Variants in SP100 observed in about 807,000 individuals in gnomAD.
SP100 encodes the protein SP100 nuclear body protein.
Under a neutral mutation model 130.0 loss-of-function variants are expected in SP100, and 84 were observed. The observed-to-expected ratio is 0.65, with a 90% CI of 0.54 to 0.77. The LOEUF (loss-of-function observed/expected upper bound fraction) is 0.77. Among genes scored for constraint, SP100 ranks in the 30% least tolerant of loss-of-function variants. The pLI is 0.00. For missense variants in SP100, 978 were observed against 1,052.2 expected (o/e 0.93, Z 0.97); for synonymous variants, 331 against 351.7 (o/e 0.94, Z 0.66).
intron 19 of SP100, among the ~76,000 whole-genome samples, chr2:230,502,642 C>A (rs2067102017): frequency 6.6e-6 from 1 of 152,150 alleles, no homozygotes; most frequent in Non-Finnish European, 1.5e-5. Flanking sequence ...GCTTGGGAAG[C>A]AGGTAAAATA....
intron 21 of SP100, 106 bp from the exon 22 acceptor site, chr2:230,506,197 G>A: frequency 8.4e-7 from 1 of 1,190,372 alleles, no homozygotes; most frequent in Non-Finnish European, 1.2e-6. Flanking sequence ...AGACTTTACT[G>A]CTACGATCCT....
chr2:230,515,102 A>G (rs1289707552), intron 24 of SP100: 1 of 1,612,918 alleles, frequency 6.2e-7, no homozygotes, highest in Non-Finnish European at 8.5e-7. Flanking sequence ...CAGGAGGAGC[A>G]TAAGAAGAAG....
chr2:230,507,932 T>C (rs1017999926), intron 22 of SP100, 61 bp from the exon 23 acceptor site: 15 of 1,501,440 alleles, frequency 1.0e-5, no homozygotes, highest in Non-Finnish European at 1.3e-5. Context: ...CAGTCAGAAA[T>C]ACTAAGCTCA....
intron 24 of SP100, among the ~76,000 whole-genome samples, chr2:230,512,504 G>T (rs188935091): frequency 2.7e-5 from 4 of 150,606 alleles, no homozygotes; most frequent in African/African-American, 9.8e-5. Context: ...TGATCAGGCT[G>T]GTCTTGAACT....
At chr2:230,494,944 G>T (rs1490821803) in intron 18 of SP100, among the ~76,000 whole-genome samples, 1 of 152,212 alleles carries the variant, frequency 6.6e-6, no homozygotes, top group African/African-American at 2.4e-5. Context: ...TCTTATGGAA[G>T]AAGGAATGAT....
intron 24 of SP100, among the ~76,000 whole-genome samples, chr2:230,533,891 A>G (rs192520210): frequency 1.3e-5 from 2 of 152,374 alleles, no homozygotes; most frequent in East Asian, 3.9e-4. Context: ...AAAATTGTTT[A>G]TAAGGTTTTA....
intron 24 of SP100, chr2:230,515,212 G>A (rs1690841341): frequency 8.1e-6 from 13 of 1,613,494 alleles, no homozygotes; most frequent in Non-Finnish European, 1.1e-5. Flanking sequence ...TGAAGATATG[G>A]CAAAGGCGGA....
intron 4 of SP100, among the ~76,000 whole-genome samples, chr2:230,444,776 C>A (rs566293882): frequency 1.3e-5 from 2 of 152,198 alleles, no homozygotes; most frequent in African/African-American, 4.8e-5. Flanking sequence ...GAGTGTATGT[C>A]TCTTGTAACA....
At chr2:230,450,036 C>T in intron 7 of SP100, 136 bp from the exon 8 acceptor site, 3 of 657,110 alleles carry the variant, frequency 4.6e-6, no homozygotes, top group Non-Finnish European at 8.1e-6. Flanking sequence ...CGAACACCTT[C>T]ACGCAGCAAT....
chr2:230,422,465 A>G (rs749688085), intron 2 of SP100, among the ~76,000 whole-genome samples: 6 of 152,174 alleles, frequency 3.9e-5, no homozygotes, highest in Non-Finnish European at 8.8e-5. Flanking sequence ...CTCGCCTTCT[A>G]AAGGAATGGT....
At chr2:230,512,365 C>T (rs989164798) in intron 24 of SP100, among the ~76,000 whole-genome samples, 2 of 137,330 alleles carry the variant, frequency 1.5e-5, no homozygotes, top group Admixed American at 8.1e-5. Flanking sequence ...TCTTGCCTCA[C>T]TGCAACCTCT....
rs375735306 is a variant in SP100 at position 230,542,869 on chromosome 2, C to G, written c.2581C>G (p.Gln861Glu). The G allele has an allele frequency of 1.2e-6, 2 of 1,611,796 alleles. No individual in the cohort carries two copies. Among genetic ancestry groups the G allele is most frequent in the African/African-American group, 1.3e-5 (1 of 74,974 alleles). Residue 861 changes from glutamine to glutamate, a missense_variant, in exon 29 of 29, where the codon CAG (glutamine) becomes GAG (glutamate). Physicochemically the swap from Gln to Glu is conservative, Grantham distance 29. Coordinates refer to ENST00000340126, the MANE Select transcript of SP100 (RefSeq NM_001080391.2). ...ATTCACCAGACTGGGAATTCAAGTA[C>G]AGGACATCTTTGAGAAGAATTTCAG... ...DKFTRLGIQV[Q>E]DIFEKNFRNI...
At chr2:230,443,212 T>C in intron 3 of SP100, 113 bp downstream of exon 3, 1 of 964,476 alleles carries the variant, frequency 1.0e-6, no homozygotes, top group Non-Finnish European at 1.6e-6. Flanking sequence ...AGGTCTCCTA[T>C]GAGTGGGGAA....
intron 24 of SP100, among the ~76,000 whole-genome samples, chr2:230,535,769 T>G (rs1691907302): frequency 6.6e-6 from 1 of 150,654 alleles, no homozygotes; most frequent in South Asian, 2.1e-4. Context: ...TAGCCAGGAG[T>G]GGTGGTGCAT....
intron 2 of SP100, among the ~76,000 whole-genome samples, chr2:230,438,629 A>ACTCCATG (rs1490393365): frequency 7.5e-6 from 1 of 133,160 alleles, no homozygotes; most frequent in Non-Finnish European, 1.6e-5. Context: ...GCTGAGTAGT[A>ACTCCATG]CTCCATGGTG....
rs191385549 is a variant in SP100, at chr2:230,489,787, G to A, written c.1601-4629G>A. 2.8e-3 allele frequency among the ~76,000 whole-genome samples: 422 copies of A among 152,258 alleles called. 2 individuals are homozygous for A. Among genetic ancestry groups the A allele is most frequent in the Non-Finnish European group, 4.8e-3 (329 of 68,032 alleles). On this transcript the variant is annotated intron_variant, in intron 17 of 28. Transcript: ENST00000340126. ...TCATTATTTACCCAGGAGTCATTCA[G>A]GAGCAGGTTGTTCAATTTCCATGTA...
At chr2:230,506,240 T>TG in intron 21 of SP100, 63 bp from the exon 22 acceptor site, 1 of 1,582,590 alleles carries the variant, frequency 6.3e-7, no homozygotes, top group Non-Finnish European at 8.7e-7. Context: ...GACCCCAGCA[T>TG]GGGGGGAGGC....
At chr2:230,466,577 C>T (rs766116337) in intron 12 of SP100, among the ~76,000 whole-genome samples, 7 of 152,158 alleles carry the variant, frequency 4.6e-5, no homozygotes, top group Admixed American at 1.3e-4. Flanking sequence ...ATGACCCCAA[C>T]ACAACAGAAG....
chr2:230,432,914 G>T (rs2063140871), intron 2 of SP100, among the ~76,000 whole-genome samples: 1 of 152,076 alleles, frequency 6.6e-6, no homozygotes, highest in Non-Finnish European at 1.5e-5. Flanking sequence ...CTTACCTAAA[G>T]TCACAAAGAT....
Sources: allele counts gnomAD v4.1 joint callset (sites outside exome capture counted in the v4.1 genomes callset), GRCh38; gene constraint gnomAD v4.1.1; transcripts MANE v1.5; gene names NCBI Gene and HGNC (gene_info 2026-07-23, HGNC 2026-07-21).